Variants in WDR25 observed in about 807,000 individuals in gnomAD.
WDR25 encodes the protein WD repeat domain 25.
A neutral mutation model predicts 47.7 loss-of-function variants in WDR25; 35 were observed. The observed-to-expected ratio is 0.73, with a 90% CI of 0.56 to 0.97. The LOEUF (loss-of-function observed/expected upper bound fraction) is 0.97. Among genes scored for constraint, WDR25 ranks in the 50% least tolerant of loss-of-function variants. The pLI, the probability that WDR25 is intolerant of heterozygous loss-of-function variation, is 0.00. For synonymous variants in WDR25, 248 were observed against 278.9 expected (o/e 0.89, Z 1.10); for missense variants, 634 against 704.7 (o/e 0.90, Z 1.14).
intron 4 of WDR25, among the ~76,000 whole-genome samples, chr14:100,504,997 G>T (rs1901064657): frequency 6.6e-6 from 1 of 151,978 alleles, no homozygotes; most frequent in Admixed American, 6.6e-5. Flanking sequence ...ATCTTTTTGT[G>T]GGCCTATTGA....
At chr14:100,503,049 G>A (rs1298232863) in intron 4 of WDR25, among the ~76,000 whole-genome samples, 3 of 151,796 alleles carry the variant, frequency 2.0e-5, no homozygotes, top group Non-Finnish European at 4.4e-5. Flanking sequence ...GTGTCCGTGT[G>A]TGTGTGTGCG....
chr14:100,408,751 G>A (rs1017508974), intron 2 of WDR25, among the ~76,000 whole-genome samples: 8 of 152,188 alleles, frequency 5.3e-5, no homozygotes, highest in East Asian at 1.9e-4. Flanking sequence ...AGAAGAGTAC[G>A]CAGACCTTCC....
At chr14:100,450,311 C>G (rs1898983856) in intron 2 of WDR25, among the ~76,000 whole-genome samples, 1 of 152,194 alleles carries the variant, frequency 6.6e-6, no homozygotes. Flanking sequence ...CCACCTCACC[C>G]CTTCCTCTGG....
intron 2 of WDR25, among the ~76,000 whole-genome samples, chr14:100,382,584 C>T (rs771524048): frequency 1.2e-4 from 19 of 152,130 alleles, no homozygotes; most frequent in African/African-American, 3.4e-4. Context: ...AATGTAGTCC[C>T]CCAGTATGGA....
At chr14:100,416,877 A>T (rs2140203479) in intron 2 of WDR25, among the ~76,000 whole-genome samples, 1 of 152,356 alleles carries the variant, frequency 6.6e-6, no homozygotes, top group Admixed American at 6.5e-5. Flanking sequence ...GTAACTTCAC[A>T]GTCATGAGGT....
chr14:100,413,673 A>G (rs1326836038), intron 2 of WDR25, among the ~76,000 whole-genome samples: 1 of 152,106 alleles, frequency 6.6e-6, no homozygotes, highest in East Asian at 1.9e-4. Flanking sequence ...TCGGCCTCCC[A>G]AAGTGTTGGG....
chr14:100,413,279 C>T (rs999753073), intron 2 of WDR25, among the ~76,000 whole-genome samples: 7 of 152,220 alleles, frequency 4.6e-5, no homozygotes, highest in African/African-American at 1.7e-4. Flanking sequence ...CAGAACCTTT[C>T]CCCTGACCCA....
rs1445098760 is a variant in WDR25, at chr14:100,454,351, T to A, written c.823-13670T>A. Reference sequence around the variant, plus strand: ...TGACTGAGGTAATGGGGTAATGGAGTATGTGTATGGCAGGTGTGAGGGTGG... The same window carrying A: ...TGACTGAGGTAATGGGGTAATGGAGAATGTGTATGGCAGGTGTGAGGGTGG... On this transcript the variant is annotated intron_variant, in intron 2 of 6. Transcript: ENST00000402312. The A allele has an allele frequency of 8.6e-6, 11 of 1,284,642 alleles. No homozygotes were observed. In the African/African-American group the frequency reaches 1.7e-4, roughly 20 times the overall value. 79.6% of individuals were successfully genotyped at this position (1,284,642 alleles called of 1,614,324 possible).
intron 4 of WDR25, among the ~76,000 whole-genome samples, chr14:100,516,057 G>C (rs1448671582): frequency 6.6e-6 from 1 of 151,466 alleles, no homozygotes; most frequent in Non-Finnish European, 1.5e-5. Flanking sequence ...ACTTTTGATT[G>C]GATGCCAGAC....
chr14:100,426,268 T>C (rs866758171), intron 2 of WDR25, among the ~76,000 whole-genome samples: 17 of 152,364 alleles, frequency 1.1e-4, no homozygotes, highest in Middle Eastern at 3.4e-3. Context: ...ATTACACTTT[T>C]CTTTGTTTTT....
At chr14:100,518,377 T>C (rs1189591421) in intron 4 of WDR25, among the ~76,000 whole-genome samples, 1 of 152,226 alleles carries the variant, frequency 6.6e-6, no homozygotes, top group Non-Finnish European at 1.5e-5. Flanking sequence ...TTCTTCATTT[T>C]TTTTTTTCCT....
At chr14:100,379,378 T>C (rs1332427578) in intron 1 of WDR25, among the ~76,000 whole-genome samples, 2 of 147,106 alleles carry the variant, frequency 1.4e-5, no homozygotes, top group East Asian at 3.9e-4. Context: ...TCTTCAGGTC[T>C]TCTTTTTTTT....
intron 2 of WDR25, among the ~76,000 whole-genome samples, chr14:100,427,681 A>C (rs1228575144): frequency 6.6e-6 from 1 of 152,246 alleles, no homozygotes; most frequent in East Asian, 1.9e-4. Context: ...ATCTTTCACC[A>C]CTGAAGGAAA....
At chr14:100,456,426 T>C (rs1276197251) in intron 2 of WDR25, among the ~76,000 whole-genome samples, 1 of 152,140 alleles carries the variant, frequency 6.6e-6, no homozygotes, top group Non-Finnish European at 1.5e-5. Flanking sequence ...AGTCAATAGA[T>C]ACAGATCCAG....
At chr14:100,504,190 C>T (rs1258676135) in intron 4 of WDR25, among the ~76,000 whole-genome samples, 3 of 152,162 alleles carry the variant, frequency 2.0e-5, no homozygotes, top group African/African-American at 7.2e-5. Context: ...AAACTGTTAT[C>T]CCATCTAGTA....
chr14:100,407,764 G>A lies in WDR25; in HGVS notation c.822+26018G>A, dbSNP rs1897585406. Among the ~76,000 whole-genome samples, 1 of 152,204 alleles carries A rather than the reference G, an allele frequency of 6.6e-6. No homozygotes were observed. The highest frequency in any genetic ancestry group is 2.4e-5 in the African/African-American group (1 of 41,444). ...CAGGCCCTGACACCCAGTTTGGCTA[G>A]GTTGAGTCTGGGTGCCAGAGATTAG... On this transcript the variant is annotated intron_variant, in intron 2 of 6. Coordinates refer to ENST00000402312, the MANE Select transcript of WDR25 (RefSeq NM_001161476.3). This position sits in a 1 kb window ranked among gnomAD's most constrained non-coding sequence, Gnocchi z 4.1.
chr14:100,418,487 C>T (rs1247849359), intron 2 of WDR25, among the ~76,000 whole-genome samples: 1 of 151,752 alleles, frequency 6.6e-6, no homozygotes, highest in African/African-American at 2.4e-5. Context: ...CAAAAATTAG[C>T]TGGGCGTGGT....
In WDR25 at chr14:100,385,196, C is replaced by T. The variant is rs941706329; in HGVS notation, c.822+3450C>T. On this transcript the variant is annotated intron_variant, in intron 2 of 6. Coordinates refer to ENST00000402312, the MANE Select transcript of WDR25 (RefSeq NM_001161476.3). ...CTGAGCCAGAACCCATTTTTATATT[C>T]CCCAGCATCTGGCACAAAATTGTGT... 3.9e-5 allele frequency among the ~76,000 whole-genome samples: 6 copies of T among 152,306 alleles called. No individual in the cohort carries two copies. The South Asian group carries it at 1.2e-3, about 32-fold the overall frequency.
chr14:100,474,174 A>G (rs1333348022), intron 3 of WDR25, among the ~76,000 whole-genome samples: 1 of 152,228 alleles, frequency 6.6e-6, no homozygotes, highest in Non-Finnish European at 1.5e-5. Flanking sequence ...CTCTGTTGCC[A>G]CGAATATCCT....
Sources: allele counts gnomAD v4.1 joint callset (sites outside exome capture counted in the v4.1 genomes callset), GRCh38; gene constraint gnomAD v4.1.1; non-coding constraint Gnocchi (gnomAD v3.1); transcripts MANE v1.5; gene names NCBI Gene and HGNC (gene_info 2026-07-23, HGNC 2026-07-21).